ACSM3: variants seen among roughly 807,000 people sequenced by gnomAD.
ACSM3 encodes the protein acyl-coenzyme A synthetase ACSM3, mitochondrial.
A neutral mutation model predicts 74.1 loss-of-function variants in ACSM3; 61 were observed. The ratio of observed to expected loss-of-function variants is 0.82; its 90% CI spans 0.67 to 1.02. The LOEUF is 1.02. Among genes scored for constraint, ACSM3 ranks in the 50% least tolerant of loss-of-function variants. The pLI is 0.00. For synonymous variants in ACSM3, 213 were observed against 241.5 expected, an observed-to-expected ratio of 0.88 and a Z score of 1.09; for missense variants, 660 against 697.0, an observed-to-expected ratio of 0.95 and a Z score of 0.60.
intron 1 of ACSM3, chr16:20,741,850 C>T (rs887571288): frequency 2.0e-5 from 30 of 1,536,360 alleles, no homozygotes; most frequent in Non-Finnish European, 2.4e-5. Flanking sequence ...CCTCCCCTAG[C>T]CGGCCTCGAA....
In ACSM3 at chr16:20,728,381, A is replaced by G. The variant is rs2079814136; in HGVS notation, c.-189-21529A>G. 9 of 1,396,574 alleles carry G rather than the reference A, an allele frequency of 6.4e-6. No individual in the cohort carries two copies. The South Asian group carries it at 9.6e-5, about 15-fold the overall frequency. The allele number at this position is 1,396,574 out of a possible 1,614,324, so 86.5% of individuals were successfully genotyped here. ...TTTAAGAAAATCAATTGTTTCTTTC[A>G]TTCTAGATTATAGATGAAAATGGCA... On this transcript the variant is annotated intron_variant, in intron 1 of 3. Transcript: ENST00000561584.
intron 1 of ACSM3, among the ~76,000 whole-genome samples, chr16:20,723,218 AT>A (rs1304975812): frequency 1.3e-5 from 2 of 152,170 alleles, no homozygotes; most frequent in East Asian, 3.9e-4. Context: ...TGAACTCATC[AT>A]TTTTTATGGC....
intron 1 of ACSM3, among the ~76,000 whole-genome samples, chr16:20,713,499 T>C (rs1224127081): frequency 6.6e-6 from 1 of 152,070 alleles, no homozygotes; most frequent in Non-Finnish European, 1.5e-5. Context: ...AGTAAAAAAA[T>C]ACAATTGTGC....
At chr16:20,705,540 A>G (rs958753040) in intron 1 of ACSM3, among the ~76,000 whole-genome samples, 3 of 152,176 alleles carry the variant, frequency 2.0e-5, no homozygotes, top group African/African-American at 7.2e-5. Flanking sequence ...TTTGTGTATA[A>G]ATTCTGCCCA....
intron 1 of ACSM3, among the ~76,000 whole-genome samples, chr16:20,768,598 A>C (rs2080153949): frequency 6.6e-6 from 1 of 152,214 alleles, no homozygotes; most frequent in Admixed American, 6.5e-5. Flanking sequence ...GCCCACTCTG[A>C]AATATTCTGA....
Position 20,677,504 on chromosome 16 carries a change from G to A in ACSM3, c.-190+2682G>A, listed in dbSNP as rs147409534. On this transcript the variant is annotated intron_variant, in intron 1 of 3. Coordinates refer to the ACSM3 transcript ENST00000561584. ...TAGAGACTGTGAATACCCTAAACCC[G>A]GCTACCTTGCTCCTCATCAAGTCAG... Among the ~76,000 whole-genome samples the A allele has an allele frequency of 5.8e-3, 889 of 152,256 alleles. 11 individuals carry two copies. The highest frequency in any genetic ancestry group is 0.02 in the African/African-American group (838 of 41,522).
At chr16:20,711,665 T>C (rs1015749159) in intron 1 of ACSM3, 14 of 652,054 alleles carry the variant, frequency 2.1e-5, no homozygotes, top group Non-Finnish European at 3.8e-5. Flanking sequence ...TGGCTCAGTT[T>C]CCAGGAGTTA....
At chr16:20,762,212 A>T (rs2080082880), upstream of ACSM3, among the ~76,000 whole-genome samples, 1 of 152,168 alleles carries the variant, frequency 6.6e-6, no homozygotes, top group South Asian at 2.1e-4. Context: ...GAATCAAGTT[A>T]TTGTAGATCC....
chr16:20,701,150 T>C (rs1421905913), intron 1 of ACSM3, among the ~76,000 whole-genome samples: 5 of 152,146 alleles, frequency 3.3e-5, no homozygotes, highest in Non-Finnish European at 1.5e-5. Context: ...AAAGATTATA[T>C]AGCACATACA....
intron 1 of ACSM3, among the ~76,000 whole-genome samples, chr16:20,748,524 T>C (rs1273292760): frequency 3.9e-5 from 6 of 152,228 alleles, no homozygotes; most frequent in Non-Finnish European, 7.3e-5. Flanking sequence ...ATTGTGAGTA[T>C]TGAATAAAAT....
intron 3 of ACSM3, among the ~76,000 whole-genome samples, chr16:20,758,375 G>T (rs2080048584): frequency 6.6e-6 from 1 of 152,220 alleles, no homozygotes; most frequent in Non-Finnish European, 1.5e-5. Context: ...GAGTGTATGT[G>T]TCGAGGAATT....
chr16:20,707,331 C>T (rs1482565193), intron 1 of ACSM3, among the ~76,000 whole-genome samples: 2 of 152,174 alleles, frequency 1.3e-5, no homozygotes, highest in Non-Finnish European at 1.5e-5. Context: ...CAGTTGTAGA[C>T]CTTGAAGCAG....
intron 1 of ACSM3, among the ~76,000 whole-genome samples, chr16:20,744,174 A>G (rs1417402521): frequency 1.3e-5 from 2 of 152,214 alleles, no homozygotes; most frequent in Non-Finnish European, 2.9e-5. Context: ...TAGCATTAGT[A>G]TATTTTATGG....
At chr16:20,770,343 G>T in intron 2 of ACSM3, 90 bp downstream of exon 2, 1 of 1,196,488 alleles carries the variant, frequency 8.4e-7, no homozygotes, top group East Asian at 2.5e-5. Flanking sequence ...AAATATTTTT[G>T]TTGCCATGAT....
chr16:20,789,165 A>G (rs533150736), intron 9 of ACSM3, among the ~76,000 whole-genome samples: 1 of 152,300 alleles, frequency 6.6e-6, no homozygotes, highest in South Asian at 2.1e-4. Context: ...TAAACTCTCT[A>G]GAGGCATTGC....
At chr16:20,782,340 A>G (rs2080369941) in intron 7 of ACSM3, among the ~76,000 whole-genome samples, 2 of 152,146 alleles carry the variant, frequency 1.3e-5, no homozygotes, top group African/African-American at 4.8e-5. Context: ...TGGTGCTCCC[A>G]TCACCCAAGC....
upstream of ACSM3, among the ~76,000 whole-genome samples, chr16:20,759,430 G>T (rs1368217230): frequency 6.6e-6 from 1 of 151,850 alleles, no homozygotes; most frequent in Non-Finnish European, 1.5e-5. Flanking sequence ...TGTGGTGGTG[G>T]GCACCTGTAG....
At position 20,797,141 on chromosome 16, in the gene ACSM3, T is replaced by C; in HGVS notation, c.*169T>C. 7.3e-7 allele frequency: 1 copy of C among 1,362,716 alleles called. No homozygotes were observed. The highest frequency in any genetic ancestry group is 1.9e-5 in the South Asian group (1 of 53,168). 84.4% of individuals were successfully genotyped at this position (1,362,716 alleles called of 1,614,324 possible). On this transcript the variant is annotated 3_prime_UTR_variant, in exon 14 of 14. Coordinates refer to ENST00000289416, the MANE Select transcript of ACSM3 (RefSeq NM_005622.4). ...AGAGGCTAAATTTTGAAATAAAATA[T>C]TTGGCAAATTCCTCCACATTAGTGT...
At chr16:20,754,260 T>C (rs1033801947) in intron 2 of ACSM3, among the ~76,000 whole-genome samples, 2 of 152,144 alleles carry the variant, frequency 1.3e-5, no homozygotes, top group African/African-American at 2.4e-5. Context: ...AGTGTAGAAA[T>C]GTAGTGGGGT....
Sources: allele counts gnomAD v4.1 joint callset (sites outside exome capture counted in the v4.1 genomes callset), GRCh38; gene constraint gnomAD v4.1.1; transcripts MANE v1.5; gene names NCBI Gene and HGNC (gene_info 2026-07-23, HGNC 2026-07-21).